ZHX2: variants seen among roughly 807,000 people sequenced by gnomAD.
ZHX2 encodes zinc fingers and homeoboxes protein 2.
ZHX2 carries 6 observed loss-of-function variants against 21.9 expected under a neutral mutation model. The ratio of observed to expected loss-of-function variants is 0.27; its 90% CI spans 0.15 to 0.54. The LOEUF (loss-of-function observed/expected upper bound fraction) is 0.54, where lower values mean the gene tolerates loss of function less well. ZHX2 is among the 20% of genes least tolerant of loss of function. The pLI is 0.95. For synonymous variants in ZHX2, 434 were observed against 437.1 expected (o/e 0.99, Z 0.09); for missense variants, 908 against 1,090.7 (o/e 0.83, Z 2.36).
intron 1 of ZHX2, among the ~76,000 whole-genome samples, chr8:122,847,467 T>C (rs1432983299): frequency 3.9e-5 from 6 of 152,234 alleles, no homozygotes; most frequent in Admixed American, 3.9e-4. Flanking sequence ...AGGCACGTCA[T>C]GTCATTGAGT....
intron 1 of ZHX2, among the ~76,000 whole-genome samples, chr8:122,837,634 G>T (rs1343531864): frequency 6.6e-6 from 1 of 152,288 alleles, no homozygotes; most frequent in Admixed American, 6.5e-5. Flanking sequence ...GGGAATAGAG[G>T]GTGAGAATTT....
chr8:122,818,598 G>A (rs1218467128), intron 1 of ZHX2, among the ~76,000 whole-genome samples: 4 of 152,204 alleles, frequency 2.6e-5, no homozygotes, highest in Admixed American at 6.5e-5. Flanking sequence ...GACAGCACTT[G>A]GCCTGGGGCT....
At chr8:122,840,686 G>A (rs1818604057) in intron 1 of ZHX2, among the ~76,000 whole-genome samples, 1 of 152,146 alleles carries the variant, frequency 6.6e-6, no homozygotes, top group Non-Finnish European at 1.5e-5. Context: ...ATTACTGTTG[G>A]GTTTTCATGG....
At chr8:122,959,448 TG>T (rs1813388098) in intron 3 of ZHX2, among the ~76,000 whole-genome samples, 1 of 152,188 alleles carries the variant, frequency 6.6e-6, no homozygotes, top group Admixed American at 6.5e-5. Flanking sequence ...ATGAAAATAT[TG>T]TTGTCGACTG....
intron 1 of ZHX2, among the ~76,000 whole-genome samples, chr8:122,855,253 A>C (rs1391261517): frequency 3.9e-5 from 6 of 152,246 alleles, no homozygotes; most frequent in African/African-American, 1.4e-4. Context: ...AATAGAGGCC[A>C]GCATAAAGTT....
At chr8:122,868,155 C>T (rs533616669) in intron 2 of ZHX2, among the ~76,000 whole-genome samples, 1 of 152,302 alleles carries the variant, frequency 6.6e-6, no homozygotes, top group Non-Finnish European at 1.5e-5. Flanking sequence ...TCCTTCAACA[C>T]AGCAAGTGTC....
At position 122,888,793 on chromosome 8, in the gene ZHX2, A is replaced by T. The variant is rs183869051; in HGVS notation, c.-220+25254A>T. Reference sequence around the variant, plus strand: ...CCACCGCGCACAGCCACAAAGAATTATTGTTAACGGTAATCACTCTACAGT... The same window carrying T: ...CCACCGCGCACAGCCACAAAGAATTTTTGTTAACGGTAATCACTCTACAGT... On this transcript the variant is annotated intron_variant, in intron 2 of 3. Coordinates refer to ENST00000314393, the MANE Select transcript of ZHX2 (RefSeq NM_014943.5). 3.2e-3 allele frequency among the ~76,000 whole-genome samples: 482 copies of T among 152,280 alleles called. 2 individuals carry two copies. The highest frequency in any genetic ancestry group is 0.011 in the African/African-American group (447 of 41,570).
intron 3 of ZHX2, among the ~76,000 whole-genome samples, chr8:122,961,230 T>A (rs756804870): frequency 2.5e-4 from 38 of 152,230 alleles, no homozygotes; most frequent in Non-Finnish European, 5.0e-4. Context: ...TTGCTCTGTG[T>A]GTTCACATGG....
intron 2 of ZHX2, among the ~76,000 whole-genome samples, chr8:122,865,744 A>G (rs1212884349): frequency 1.3e-5 from 2 of 152,188 alleles, no homozygotes; most frequent in Non-Finnish European, 2.9e-5. Flanking sequence ...ATAAATATTA[A>G]TCCTTATTCT....
chr8:122,796,285 T>TAACA (rs533076490), intron 1 of ZHX2, among the ~76,000 whole-genome samples: 21 of 152,304 alleles, frequency 1.4e-4, no homozygotes, highest in African/African-American at 5.1e-4. Context: ...CGGGAACTAG[T>TAACA]AACAGCAGCA....
intron 2 of ZHX2, among the ~76,000 whole-genome samples, chr8:122,883,399 A>T (rs1819761250): frequency 6.6e-6 from 1 of 152,212 alleles, no homozygotes; most frequent in African/African-American, 2.4e-5. Flanking sequence ...GGGAAGCAAG[A>T]GAGAGAAAAC....
intron 3 of ZHX2, among the ~76,000 whole-genome samples, chr8:122,955,600 C>T (rs1464213739): frequency 6.6e-6 from 1 of 152,152 alleles, no homozygotes; most frequent in Non-Finnish European, 1.5e-5. Flanking sequence ...CAGCCAATCC[C>T]AGAATGCCAT....
intron 2 of ZHX2, among the ~76,000 whole-genome samples, chr8:122,912,798 G>T (rs996704830): frequency 2.0e-5 from 3 of 152,026 alleles, no homozygotes; most frequent in Non-Finnish European, 4.4e-5. Context: ...CAAAGCAAAG[G>T]GTTCTTTGCT....
intron 2 of ZHX2, among the ~76,000 whole-genome samples, chr8:122,940,990 G>A (rs148022263): frequency 2.6e-5 from 4 of 151,898 alleles, no homozygotes; most frequent in Non-Finnish European, 4.4e-5. Context: ...AGCACCTTGG[G>A]AGGCTGAGGC....
chr8:122,812,735 G>A (rs1014277129), intron 1 of ZHX2, among the ~76,000 whole-genome samples: 20 of 152,202 alleles, frequency 1.3e-4, no homozygotes, highest in African/African-American at 4.8e-4. Flanking sequence ...CATTAAACAT[G>A]TATGTTAGTA....
intron 1 of ZHX2, among the ~76,000 whole-genome samples, chr8:122,809,990 A>G (rs979274859): frequency 1.3e-5 from 2 of 152,148 alleles, no homozygotes; most frequent in African/African-American, 4.8e-5. Context: ...GATGGTTTTC[A>G]TTATAAGCCC....
At chr8:122,882,027 C>T (rs1285776385) in intron 2 of ZHX2, among the ~76,000 whole-genome samples, 1 of 152,134 alleles carries the variant, frequency 6.6e-6, no homozygotes, top group African/African-American at 2.4e-5. Flanking sequence ...ATCAACCTCT[C>T]TCCCTGCTCC....
chr8:122,842,266 C>T (rs981167502), intron 1 of ZHX2, among the ~76,000 whole-genome samples: 2 of 152,210 alleles, frequency 1.3e-5, no homozygotes, highest in Non-Finnish European at 2.9e-5. Flanking sequence ...GTCTTCAGCA[C>T]CTTCTTCTCT....
intron 3 of ZHX2, among the ~76,000 whole-genome samples, chr8:122,960,162 A>T (rs889140948): frequency 6.6e-6 from 1 of 152,168 alleles, no homozygotes; most frequent in African/African-American, 2.4e-5. Context: ...CTACACTGAC[A>T]TGTTCTTTGG....
Sources: gnomAD v4.1 joint callset for allele counts (sites outside exome capture counted in the v4.1 genomes callset) on GRCh38, gnomAD v4.1.1 for gene constraint, MANE v1.5 for transcripts, NCBI Gene and HGNC (gene_info 2026-07-23, HGNC 2026-07-21) for gene names.